The following CTIF variants were observed in gnomAD, a reference collection of about 807,000 sequenced individuals.
CTIF encodes CBP80/20-dependent translation initiation factor.
A neutral mutation model predicts 66.0 loss-of-function variants in CTIF; 21 were observed. The observed-to-expected ratio is 0.32, with a 90% CI of 0.23 to 0.46. CTIF has a LOEUF of 0.46. CTIF is among the 20% of genes least tolerant of loss of function. CTIF has a pLI of 1.00. For missense variants in CTIF, 739 were observed against 812.7 expected, an observed-to-expected ratio of 0.91 and a Z score of 1.10; for synonymous variants, 345 against 326.4, an observed-to-expected ratio of 1.06 and a Z score of -0.62.
At chr18:48,590,973 G>A (rs769925464) in intron 1 of CTIF, among the ~76,000 whole-genome samples, 2 of 152,164 alleles carry the variant, frequency 1.3e-5, no homozygotes, top group Non-Finnish European at 2.9e-5. Context: ...CATGTTGCAA[G>A]GTGCATATGG....
At chr18:48,579,622 A>T (rs2089610539) in intron 1 of CTIF, among the ~76,000 whole-genome samples, 1 of 152,108 alleles carries the variant, frequency 6.6e-6, no homozygotes, top group Non-Finnish European at 1.5e-5. Context: ...GCCTGCCTCA[A>T]AGTACCAGGC....
intron 1 of CTIF, among the ~76,000 whole-genome samples, chr18:48,568,632 G>GAA (rs2089330717): frequency 4.7e-5 from 1 of 21,346 alleles, no homozygotes; most frequent in Admixed American, 6.7e-4. Context: ...TGGGCAATTT[G>GAA]TAAAAAAAAA....
In CTIF at chr18:48,862,379, G is replaced by GAGTT. The variant is rs900214333; in HGVS notation, c.*2824_*2827dup. 1 of 152,592 alleles carries GAGTT rather than the reference G, an allele frequency of 6.6e-6. No individual in the cohort carries two copies. Among genetic ancestry groups the GAGTT allele is most frequent in the Non-Finnish European group, 1.5e-5 (1 of 68,068 alleles). The allele number at this position is 152,592 out of a possible 1,614,324, so 9.5% of individuals were successfully genotyped here. ...CAGTCTCCCCACTGCCTGTCAGGAT[G>GAGTT]AGTTAGTCATTGTTTTTCTCCGAGG... On this transcript the variant is annotated 3_prime_UTR_variant, in exon 12 of 12. Transcript: ENST00000256413.
At chr18:48,858,100 C>T (rs2069371857) in intron 11 of CTIF, among the ~76,000 whole-genome samples, 1 of 152,278 alleles carries the variant, frequency 6.6e-6, no homozygotes, top group African/African-American at 2.4e-5. Flanking sequence ...GGAGACTCTT[C>T]CTCTGGGCTC....
At chr18:48,817,092 C>T in intron 9 of CTIF, 129 bp from the exon 10 acceptor site, 1 of 889,570 alleles carries the variant, frequency 1.1e-6, no homozygotes, top group Non-Finnish European at 1.7e-6. Context: ...CCCCCATCCT[C>T]ATTTAAAACA....
intron 1 of CTIF, among the ~76,000 whole-genome samples, chr18:48,601,229 C>G (rs192678153): frequency 2.0e-5 from 3 of 152,324 alleles, no homozygotes; most frequent in Non-Finnish European, 4.4e-5. Context: ...TTTCAAGGGT[C>G]CAGCCCGGCG....
rs565871686 is a variant in CTIF, at chr18:48,796,298, C to T, written c.1372-20923C>T. Reference sequence around the variant, plus strand: ...ATGCCATTCTCCTGCCTCAGCCTCCCGAGTAGCTGGGACTACAGGCGACCG... The same window carrying T: ...ATGCCATTCTCCTGCCTCAGCCTCCTGAGTAGCTGGGACTACAGGCGACCG... On this transcript the variant is annotated intron_variant, in intron 9 of 11. Transcript: ENST00000256413. 5.3e-5 allele frequency among the ~76,000 whole-genome samples: 8 copies of T among 152,282 alleles called. No homozygotes were observed. The East Asian group carries it at 5.8e-4, about 11-fold the overall frequency.
At chr18:48,711,479 A>T in intron 6 of CTIF, 140 bp from the exon 7 acceptor site, 1 of 629,930 alleles carries the variant, frequency 1.6e-6, no homozygotes, top group South Asian at 2.3e-5. Flanking sequence ...TTCAGTCTGG[A>T]TTTGGTGGTT....
At chr18:48,843,057 A>G (rs1205053172) in intron 10 of CTIF, among the ~76,000 whole-genome samples, 2 of 152,128 alleles carry the variant, frequency 1.3e-5, no homozygotes, top group African/African-American at 4.8e-5. Context: ...CTGTGATTTC[A>G]GAGACCTGTG....
At chr18:48,769,630 C>G (rs1245098121) in intron 9 of CTIF, among the ~76,000 whole-genome samples, 1 of 152,260 alleles carries the variant, frequency 6.6e-6, no homozygotes, top group Non-Finnish European at 1.5e-5. Flanking sequence ...TGTGGCAGCC[C>G]TGGGCTCCCC....
At chr18:48,823,527 G>C (rs370338918) in intron 10 of CTIF, among the ~76,000 whole-genome samples, 12 of 152,178 alleles carry the variant, frequency 7.9e-5, no homozygotes, top group African/African-American at 2.9e-4. Flanking sequence ...CTATATGCCT[G>C]TTTTCATACC....
At chr18:48,650,395 T>C (rs4939553) in intron 3 of CTIF, among the ~76,000 whole-genome samples, 83,894 of 151,710 alleles carry the variant, frequency 0.55, 26,457 homozygotes, top group East Asian at 0.85. Flanking sequence ...GAAGATCAAA[T>C]CAATGAAATA....
At position 48,723,033 on chromosome 18, in the gene CTIF, C is replaced by T. The variant is rs115287315; in HGVS notation, c.584+11338C>T. Among the ~76,000 whole-genome samples, 1,176 of 152,338 alleles carry T rather than the reference C, an allele frequency of 7.7e-3. 11 individuals are homozygous for T. The highest frequency in any genetic ancestry group is 0.027 in the African/African-American group (1,114 of 41,558). On this transcript the variant is annotated intron_variant, in intron 7 of 11. Transcript: ENST00000256413. The stretch of plus-strand genomic sequence containing the variant: ...TCCCAATGACCTTAGGAAGGAGATG[C>T]TATTTTTATTTCCAATTTACAGATG...
chr18:48,692,843 G>A (rs556745042), intron 6 of CTIF, among the ~76,000 whole-genome samples: 2 of 152,280 alleles, frequency 1.3e-5, no homozygotes, highest in African/African-American at 4.8e-5. Flanking sequence ...GCTTGACCCA[G>A]GCATTGGGAT....
intron 9 of CTIF, among the ~76,000 whole-genome samples, chr18:48,784,625 A>G (rs1342606227): frequency 1.3e-5 from 2 of 152,038 alleles, no homozygotes; most frequent in East Asian, 3.9e-4. Context: ...GGAGGAGCAA[A>G]GCACCCCACT....
chr18:48,819,247 A>G (rs972928775), intron 10 of CTIF, among the ~76,000 whole-genome samples: 7 of 152,242 alleles, frequency 4.6e-5, no homozygotes, highest in African/African-American at 1.7e-4. Flanking sequence ...CTCAGAATGC[A>G]GCTCCAGGAG....
chr18:48,591,939 A>G (rs1458712459), intron 1 of CTIF, among the ~76,000 whole-genome samples: 1 of 152,068 alleles, frequency 6.6e-6, no homozygotes, highest in Non-Finnish European at 1.5e-5. Flanking sequence ...TTTTGTAGAG[A>G]TGGGATCTCA....
chr18:48,787,945 G>T (rs1320781556), intron 9 of CTIF, among the ~76,000 whole-genome samples: 2 of 152,192 alleles, frequency 1.3e-5, no homozygotes, highest in Non-Finnish European at 1.5e-5. Context: ...TGCGTTTGGT[G>T]TCTGTCCTGA....
chr18:48,772,143 G>A (rs1030388961), intron 9 of CTIF, among the ~76,000 whole-genome samples: 1 of 152,212 alleles, frequency 6.6e-6, no homozygotes, highest in Admixed American at 6.5e-5. Context: ...ACCAGCCTGT[G>A]CATGGCGCCA....
Sources: gnomAD v4.1 joint callset for allele counts (sites outside exome capture counted in the v4.1 genomes callset) on GRCh38, gnomAD v4.1.1 for gene constraint, MANE v1.5 for transcripts, NCBI Gene and HGNC (gene_info 2026-07-23, HGNC 2026-07-21) for gene names.